NOL4: variants seen among roughly 807,000 people sequenced by gnomAD.
NOL4 encodes cancer/testis antigen 125.
A neutral mutation model predicts 75.9 loss-of-function variants in NOL4; 17 were observed. That is an observed-to-expected ratio of 0.22 (90% CI 0.15 to 0.34). NOL4 has a LOEUF of 0.34. Among genes scored for constraint, NOL4 ranks in the 10% least tolerant of loss-of-function variants. The probability of loss-of-function intolerance (pLI) is 1.00; values close to 1 mark genes in which losing one functional copy is unlikely to be tolerated. For synonymous variants in NOL4, 292 were observed against 289.9 expected, an observed-to-expected ratio of 1.01 and a Z score of -0.07; for missense variants, 614 against 793.5, an observed-to-expected ratio of 0.77 and a Z score of 2.72.
chr18:33,941,961 CA>C (rs1381937065), intron 9 of NOL4, among the ~76,000 whole-genome samples: 1 of 151,952 alleles, frequency 6.6e-6, no homozygotes, highest in Non-Finnish European at 1.5e-5. Flanking sequence ...GACATTTTCA[CA>C]TGGTTTTTAT....
intron 6 of NOL4, among the ~76,000 whole-genome samples, chr18:33,984,723 T>C (rs1196273047): frequency 6.6e-6 from 1 of 152,120 alleles, no homozygotes; most frequent in Non-Finnish European, 1.5e-5. Context: ...GTGAGTCAAT[T>C]AAAGCTCTTT....
intron 5 of NOL4, among the ~76,000 whole-genome samples, chr18:34,026,032 C>T (rs1462360778): frequency 1.3e-5 from 2 of 152,154 alleles, no homozygotes; most frequent in Non-Finnish European, 2.9e-5. Flanking sequence ...AGCTATGAAC[C>T]TCTTCCTGGA....
intron 1 of NOL4, among the ~76,000 whole-genome samples, chr18:34,136,542 C>A (rs748534962): frequency 6.6e-6 from 1 of 151,652 alleles, no homozygotes; most frequent in Non-Finnish European, 1.5e-5. Flanking sequence ...TAGCAATGAA[C>A]AATCTGAAAA....
chr18:33,877,545 T>G (rs1056101648), intron 10 of NOL4, among the ~76,000 whole-genome samples: 5 of 151,998 alleles, frequency 3.3e-5, no homozygotes, highest in Non-Finnish European at 5.9e-5. Context: ...CCCTGTTTCT[T>G]TCTTTGTGGT....
At chr18:34,067,138 A>G (rs2077313173) in intron 5 of NOL4, among the ~76,000 whole-genome samples, 1 of 152,214 alleles carries the variant, frequency 6.6e-6, no homozygotes, top group Admixed American at 6.5e-5. Flanking sequence ...GGTGGTGTAC[A>G]GGATTTGCGA....
chr18:33,957,084 T>C (rs1231476364), intron 8 of NOL4, among the ~76,000 whole-genome samples: 1 of 151,834 alleles, frequency 6.6e-6, no homozygotes, highest in Admixed American at 6.6e-5. Flanking sequence ...TGTGACATGG[T>C]ACCACGTGGT....
chr18:33,939,199 G>A (rs1339956346), intron 9 of NOL4, among the ~76,000 whole-genome samples: 1 of 152,144 alleles, frequency 6.6e-6, no homozygotes, highest in Non-Finnish European at 1.5e-5. Flanking sequence ...ATAGTTTGAA[G>A]TCAGGTAGTG....
chr18:33,873,590 C>T (rs2063796596), intron 10 of NOL4, among the ~76,000 whole-genome samples: 1 of 152,096 alleles, frequency 6.6e-6, no homozygotes, highest in African/African-American at 2.4e-5. Flanking sequence ...AAGAAGACAT[C>T]CTTAACTTCA....
At chr18:33,879,577 A>G (rs1056373329) in intron 10 of NOL4, among the ~76,000 whole-genome samples, 1 of 152,064 alleles carries the variant, frequency 6.6e-6, no homozygotes, top group Non-Finnish European at 1.5e-5. Context: ...ACTACTCTGG[A>G]GGCTGAGATG....
intron 6 of NOL4, among the ~76,000 whole-genome samples, chr18:34,001,974 T>C (rs540284921): frequency 6.6e-6 from 1 of 152,236 alleles, no homozygotes; most frequent in Non-Finnish European, 1.5e-5. Context: ...TCACAGCAGC[T>C]TGAGGCCAGT....
chr18:34,203,717 TCACACACACA>T (rs60755450), intron 1 of NOL4, among the ~76,000 whole-genome samples: 2 of 72,264 alleles, frequency 2.8e-5, no homozygotes, highest in African/African-American at 9.9e-5. Context: ...TCTCTCTCTC[TCACACACACA>T]CACACACACA....
intron 8 of NOL4, among the ~76,000 whole-genome samples, chr18:33,944,029 A>G (rs2068674420): frequency 7.4e-6 from 1 of 135,906 alleles, no homozygotes; most frequent in African/African-American, 2.6e-5. Context: ...TTAATAATAT[A>G]GAAGTTTTTT....
intron 9 of NOL4, among the ~76,000 whole-genome samples, chr18:33,904,235 T>C (rs1374566402): frequency 6.6e-6 from 1 of 152,068 alleles, no homozygotes; most frequent in Non-Finnish European, 1.5e-5. Flanking sequence ...AGTATGGACC[T>C]AGGGCAGGTA....
At chr18:34,139,931 T>G (rs2081069953) in intron 1 of NOL4, among the ~76,000 whole-genome samples, 2 of 152,196 alleles carry the variant, frequency 1.3e-5, no homozygotes, top group African/African-American at 2.4e-5. Flanking sequence ...TTCATTTTGT[T>G]ATGTACCCAG....
chr18:33,935,521 C>T (rs2068000030), intron 9 of NOL4, among the ~76,000 whole-genome samples: 1 of 151,696 alleles, frequency 6.6e-6, no homozygotes, highest in African/African-American at 2.4e-5. Context: ...CACGGTGTCC[C>T]AAAATAAGTA....
rs548912172 is a variant in NOL4, at chr18:34,223,123, T to G, written c.131A>C (p.Glu44Ala). The change falls in exon 1 of 11, where the codon GAG becomes GCG. Residue 44 changes from glutamate (E) to alanine (A), a missense_variant. Physicochemically the swap from Glu to Ala is moderately radical, Grantham distance 107 (BLOSUM62 -1). Around this residue, in one of 9 missense-constraint regions of NOL4, gnomAD observed 35 missense variants for 29.2 expected, o/e 1.20. Coordinates refer to ENST00000261592, the MANE Select transcript of NOL4 (RefSeq NM_003787.5). ...ERIVQLLNGSESSSTDNAKFK... is the reference protein window; with the variant it reads ...ERIVQLLNGSASSSTDNAKFK... ...TTTGGCGTTGTCCGTGGAGCTCGACTCGGAGCCATTGAGGAGCTGGACGAT... is the reference window on the plus strand; with the variant it reads ...TTTGGCGTTGTCCGTGGAGCTCGACGCGGAGCCATTGAGGAGCTGGACGAT... 1 of 1,614,196 alleles carries G rather than the reference T, an allele frequency of 6.2e-7. No individual in the cohort carries two copies. Among genetic ancestry groups the G allele is most frequent in the Non-Finnish European group, 8.5e-7 (1 of 1,180,038 alleles).
intron 5 of NOL4, among the ~76,000 whole-genome samples, chr18:34,035,578 A>T (rs147960793): frequency 1.3e-5 from 2 of 152,172 alleles, no homozygotes; most frequent in East Asian, 3.9e-4. Context: ...TCCTCAAGGA[A>T]CTGGAAAAGC....
intron 9 of NOL4, among the ~76,000 whole-genome samples, chr18:33,926,483 C>G (rs531038034): frequency 6.7e-6 from 1 of 149,820 alleles, no homozygotes; most frequent in South Asian, 2.2e-4. Flanking sequence ...CTTCTGAAAA[C>G]AATCTCTTCC....
intron 2 of NOL4, 33 bp from the exon 3 acceptor site, chr18:34,105,193 T>C (rs968671782): frequency 3.7e-6 from 5 of 1,338,240 alleles, no homozygotes; most frequent in Admixed American, 3.4e-5. Flanking sequence ...GGTGTTATTA[T>C]ATAAGCTCAC....
Sources: gnomAD v4.1 joint callset for allele counts (sites outside exome capture counted in the v4.1 genomes callset) on GRCh38, gnomAD v4.1.1 for gene constraint, gnomAD v4.1.1 regional missense constraint, MANE v1.5 for transcripts, NCBI Gene and HGNC (gene_info 2026-07-23, HGNC 2026-07-21) for gene names.